PPFIA1: variants seen among roughly 807,000 people sequenced by gnomAD.
The protein encoded by PPFIA1 is liprin-alpha-1.
PPFIA1 carries 25 observed loss-of-function variants against 149.9 expected under a neutral mutation model. The ratio of observed to expected loss-of-function variants is 0.17; its 90% CI spans 0.12 to 0.23. The LOEUF (loss-of-function observed/expected upper bound fraction) is 0.23, where lower values mean the gene tolerates loss of function less well. Among genes scored for constraint, PPFIA1 ranks in the 10% least tolerant of loss-of-function variants. The pLI is 1.00. For missense variants in PPFIA1, 1,362 were observed against 1,506.5 expected, an observed-to-expected ratio of 0.90 and a Z score of 1.59; for synonymous variants, 549 against 552.8, an observed-to-expected ratio of 0.99 and a Z score of 0.10.
intron 10 of PPFIA1, among the ~76,000 whole-genome samples, chr11:70,334,891 G>A (rs1442037997): frequency 6.6e-6 from 1 of 152,188 alleles, no homozygotes; most frequent in Admixed American, 6.5e-5. Context: ...CTGGACAGGT[G>A]CCACCTACTG....
At chr11:70,369,328 A>T (rs2057113644) in intron 21 of PPFIA1, among the ~76,000 whole-genome samples, 1 of 152,176 alleles carries the variant, frequency 6.6e-6, no homozygotes, top group Non-Finnish European at 1.5e-5. Flanking sequence ...TTTCTAGAAT[A>T]ATAAGCCATA....
chr11:70,272,218 C>G lies in PPFIA1; in HGVS notation c.46C>G (p.Pro16Ala), dbSNP rs745607765. Residue 16 changes from proline (P) to alanine (A), a missense_variant, in exon 2 of 28, where the codon CCT becomes GCT. Transcript: ENST00000253925. ...MPTISEAEGP[P>A]GGGGGHGSGS... Reference sequence around the variant, plus strand: ...GACCATCAGCGAAGCAGAAGGCCCCCCTGGAGGAGGTGGAGGCCATGGTTC... The same window carrying G: ...GACCATCAGCGAAGCAGAAGGCCCCGCTGGAGGAGGTGGAGGCCATGGTTC... 2 of 1,614,080 alleles carry G rather than the reference C, an allele frequency of 1.2e-6. No individual in the cohort carries two copies. The highest frequency in any genetic ancestry group is 1.7e-6 in the Non-Finnish European group (2 of 1,180,012).
chr11:70,305,225 A>T (rs1422340749), intron 2 of PPFIA1, among the ~76,000 whole-genome samples: 1 of 152,230 alleles, frequency 6.6e-6, no homozygotes, highest in Non-Finnish European at 1.5e-5. Flanking sequence ...CAGCAAAAAA[A>T]GGGGAGAAAA....
intron 2 of PPFIA1, among the ~76,000 whole-genome samples, chr11:70,289,571 T>C (rs1020457270): frequency 3.9e-5 from 6 of 152,196 alleles, no homozygotes; most frequent in Admixed American, 2.0e-4. Context: ...TAAGAATATA[T>C]AGTTAGAGTA....
rs148677249 is a variant in PPFIA1 at position 70,324,939 on chromosome 11, C to T, written c.459C>T (p.Gly153=). 29 of 1,613,928 alleles carry T rather than the reference C, an allele frequency of 1.8e-5. No homozygotes were observed. The highest frequency in any genetic ancestry group is 2.1e-5 in the Non-Finnish European group (25 of 1,180,000). Residue 153 remains glycine (G), a synonymous_variant, in exon 4 of 28, where the codon GGC becomes GGT. Coordinates refer to ENST00000253925, the MANE Select transcript of PPFIA1 (RefSeq NM_003626.5). ...AGAGACAAGCGCAGTCTCCAGCAGGCGTGTCCAGCGAAGTGGAAGTGCTGA... is the reference window on the plus strand; with the variant it reads ...AGAGACAAGCGCAGTCTCCAGCAGGTGTGTCCAGCGAAGTGGAAGTGCTGA... ...VVKRQAQSPA[G]VSSEVEVLKA... is the part of the protein sequence containing the mutation.
rs749330211 is a variant in PPFIA1, at chr11:70,325,604, T to C, written c.606+30T>C. 14 of 1,460,198 alleles carry C rather than the reference T, an allele frequency of 9.6e-6. No individual in the cohort carries two copies. In the East Asian group the frequency reaches 1.6e-4, roughly 17 times the overall value. The allele number at this position is 1,460,198 out of a possible 1,614,324, so 90.5% of individuals were successfully genotyped here. A position where few individuals can be genotyped will look rare whatever the true frequency, so the allele number is the denominator to read the frequency against. On this transcript the variant is annotated intron_variant, in intron 5 of 27. Coordinates refer to ENST00000253925, the MANE Select transcript of PPFIA1 (RefSeq NM_003626.5). ...GCTTGAGACTTCATCATGAGTTGAA[T>C]TGGGGGGGGGTTATTTTTATCCTTT...
At chr11:70,351,305 T>C (rs1260038301) in intron 16 of PPFIA1, among the ~76,000 whole-genome samples, 1 of 152,194 alleles carries the variant, frequency 6.6e-6, no homozygotes, top group Admixed American at 6.5e-5. Context: ...ATGTAGTAGT[T>C]TTAAAAATAA....
At chr11:70,357,404 C>G (rs1415566564) in intron 19 of PPFIA1, among the ~76,000 whole-genome samples, 1 of 152,080 alleles carries the variant, frequency 6.6e-6, no homozygotes, top group Non-Finnish European at 1.5e-5. Context: ...AAATCTATCT[C>G]ATTTTAGTTT....
chr11:70,306,332 A>G (rs956857256), intron 2 of PPFIA1, among the ~76,000 whole-genome samples: 1 of 152,214 alleles, frequency 6.6e-6, no homozygotes, highest in Admixed American at 6.5e-5. Context: ...AACATTAAAA[A>G]CATTGATAGT....
intron 21 of PPFIA1, among the ~76,000 whole-genome samples, chr11:70,368,170 G>C (rs2057050703): frequency 6.6e-6 from 1 of 152,090 alleles, no homozygotes. Context: ...GCCTGTAAGG[G>C]TAAGGTTTAG....
At position 70,326,651 on chromosome 11, in the gene PPFIA1, C is replaced by T; in HGVS notation, c.763C>T (p.Leu255Phe). The T allele has an allele frequency of 6.2e-7, 1 of 1,614,088 alleles. No homozygotes were observed. Among genetic ancestry groups the T allele is most frequent in the Non-Finnish European group, 8.5e-7 (1 of 1,180,036 alleles). ...HEEDLAKVIE[L>F]QEIISKQSRE... ...GGAAGACCTTGCTAAAGTAATTGAGCTCCAAGAAATCATAAGTAAGCAGTC... is the reference window on the plus strand; with the variant it reads ...GGAAGACCTTGCTAAAGTAATTGAGTTCCAAGAAATCATAAGTAAGCAGTC... Residue 255 changes from leucine to phenylalanine, a missense_variant, in exon 7 of 28, where the codon CTC becomes TTC. By Grantham distance (22) the Leu-to-Phe change is conservative (BLOSUM62 0). This residue lies in a region of PPFIA1 where 733 missense variants were observed against 744.1 expected (regional missense o/e 0.99). Coordinates refer to ENST00000253925, the MANE Select transcript of PPFIA1 (RefSeq NM_003626.5).
intron 15 of PPFIA1, among the ~76,000 whole-genome samples, chr11:70,345,305 GGGC>G (rs2055620394): frequency 6.7e-6 from 1 of 149,334 alleles, no homozygotes; most frequent in Non-Finnish European, 1.5e-5. Context: ...GTGGGACTCA[GGGC>G]GGCCCTGAGT....
intron 24 of PPFIA1, chr11:70,375,355 T>C (rs1454336530): frequency 6.6e-6 from 2 of 301,774 alleles, no homozygotes; most frequent in Non-Finnish European, 1.2e-5. Context: ...ATATATTTAG[T>C]TCTTACATGG....
chr11:70,279,106 C>G (rs1272798476), intron 2 of PPFIA1: 1 of 539,992 alleles, frequency 1.9e-6, no homozygotes, highest in Non-Finnish European at 3.5e-6. Flanking sequence ...TCAAGTACCT[C>G]TGCGGTGAGG....
chr11:70,333,407 G>GTA (rs1203041676), intron 9 of PPFIA1, 63 bp from the exon 10 acceptor site: 1 of 1,297,058 alleles, frequency 7.7e-7, no homozygotes, highest in African/African-American at 1.5e-5. Context: ...CACTGCAGTG[G>GTA]TATGCAGCAT....
At chr11:70,295,279 G>A (rs2051845401) in intron 2 of PPFIA1, among the ~76,000 whole-genome samples, 1 of 132,018 alleles carries the variant, frequency 7.6e-6, no homozygotes, top group Non-Finnish European at 1.6e-5. Flanking sequence ...GCCGGGCGAG[G>A]GGCTGACCCC....
chr11:70,338,557 A>G (rs993180581), intron 13 of PPFIA1, 104 bp downstream of exon 13: 20 of 854,708 alleles, frequency 2.3e-5, no homozygotes, highest in Admixed American at 6.9e-5. Flanking sequence ...TGTGACCTCA[A>G]GGAGCCTGTA....
At chr11:70,347,135 G>T (rs1281622053) in intron 15 of PPFIA1, among the ~76,000 whole-genome samples, 3 of 152,138 alleles carry the variant, frequency 2.0e-5, no homozygotes. Flanking sequence ...ATTGTTTTGT[G>T]CATCTGTTCT....
rs1331350220 is a variant in PPFIA1 at position 70,354,438 on chromosome 11, C to G, written c.2301C>G (p.Ile767Met). ...TGCACACCGTCAGCCACGAGGACAT[C>G]AGGGACATAAGGAAGTAAGGAGCCT... The part of the protein sequence containing the change: ...GALHTVSHED[I>M]RDIRNSTGSQ... Residue 767 changes from isoleucine to methionine, a missense_variant, in exon 17 of 28, where the codon ATC becomes ATG. Physicochemically the swap from Ile to Met is conservative, Grantham distance 10. Around this residue, in one of 7 missense-constraint regions of PPFIA1, gnomAD observed 733 missense variants for 744.1 expected, o/e 0.99. Transcript: ENST00000253925. 1.2e-6 allele frequency: 2 copies of G among 1,613,570 alleles called. No individual in the cohort carries two copies.
Sources: allele counts gnomAD v4.1 joint callset (sites outside exome capture counted in the v4.1 genomes callset), GRCh38; gene constraint gnomAD v4.1.1; regional missense constraint gnomAD v4.1.1; transcripts MANE v1.5; gene names NCBI Gene and HGNC (gene_info 2026-07-23, HGNC 2026-07-21).